The following IQGAP3 variants were observed in gnomAD, a reference collection of about 807,000 sequenced individuals.
The protein encoded by IQGAP3 is IQ motif containing GTPase activating protein 3.
IQGAP3 carries 165 observed loss-of-function variants against 208.2 expected under a neutral mutation model. That is an observed-to-expected ratio of 0.79 (90% CI 0.70 to 0.90). The LOEUF is 0.90. Among genes scored for constraint, IQGAP3 ranks in the 40% least tolerant of loss-of-function variants. IQGAP3 has a pLI of 0.00. For missense variants in IQGAP3, 1,811 were observed against 2,043.1 expected (o/e 0.89, Z 2.19); for synonymous variants, 703 against 803.6 (o/e 0.87, Z 2.12).
At chr1:156,531,035 G>C (rs1674367547) in intron 33 of IQGAP3, 125 bp downstream of exon 33, 1 of 744,550 alleles carries the variant, frequency 1.3e-6, no homozygotes, top group Middle Eastern at 3.1e-4. Flanking sequence ...CTCATTACTG[G>C]TGAGCACAGG....
chr1:156,535,084 T>C lies in IQGAP3; in HGVS notation c.3507+79A>G, dbSNP rs557021117. On this transcript the variant is annotated intron_variant, in intron 28 of 37. Transcript: ENST00000361170. The stretch of plus-strand genomic sequence containing the variant: ...TTTATGGCATAGGATTTTTTGTGTT[T>C]TTGTCTCAGTCTGGGGATTGCAGGT... The C allele has an allele frequency of 9.2e-6, 10 of 1,086,224 alleles. No homozygotes were observed. The African/African-American group carries it at 1.1e-4, about 12-fold the overall frequency. The allele number at this position is 1,086,224 out of a possible 1,614,324, so 67.3% of individuals were successfully genotyped here.
chr1:156,535,042 A>G (rs1216995085), intron 28 of IQGAP3, 121 bp downstream of exon 28: 1 of 814,180 alleles, frequency 1.2e-6, no homozygotes, highest in Non-Finnish European at 2.1e-6. Context: ...GGGGCAGCAT[A>G]TTTCCCTCCT....
At chr1:156,560,157 T>C (rs890614363) in intron 11 of IQGAP3, among the ~76,000 whole-genome samples, 12 of 152,220 alleles carry the variant, frequency 7.9e-5, no homozygotes, top group African/African-American at 2.9e-4. Context: ...TCTTCATACT[T>C]GCAGTGCAGA....
intron 32 of IQGAP3, among the ~76,000 whole-genome samples, chr1:156,531,527 T>A (rs1302142822): frequency 6.6e-6 from 1 of 151,732 alleles, no homozygotes; most frequent in African/African-American, 2.4e-5. Flanking sequence ...CTCTTGGTGG[T>A]GCTCTGTGTT....
chr1:156,564,695 G>A lies in IQGAP3; in HGVS notation c.361-4C>T, dbSNP rs753347168. ...CCGTGGTCTCTGGGAAGAAGGTCTAGAGGAGAAACCAGCCAGTTACTGCCA... is the reference window on the plus strand; with the variant it reads ...CCGTGGTCTCTGGGAAGAAGGTCTAAAGGAGAAACCAGCCAGTTACTGCCA... On this transcript the variant is annotated splice_polypyrimidine_tract_variant and splice_region_variant and intron_variant, in intron 4 of 37. Coordinates refer to ENST00000361170, the MANE Select transcript of IQGAP3 (RefSeq NM_178229.5). 1.1e-5 allele frequency: 17 copies of A among 1,612,124 alleles called. 1 individual carries two copies. Among genetic ancestry groups the A allele is most frequent in the South Asian group, 9.9e-5 (9 of 91,018 alleles).
chr1:156,556,589 G>A lies in IQGAP3; in HGVS notation c.1234C>T (p.Pro412Ser), dbSNP rs1354148680. 6.2e-7 allele frequency: 1 copy of A among 1,613,466 alleles called. No individual in the cohort carries two copies. Among genetic ancestry groups the A allele is most frequent in the Non-Finnish European group, 8.5e-7 (1 of 1,179,604 alleles). ...CPEAQLPPVY[P>S]VASSMYQLEL... ...AGCTGGTACATAGACGATGCAACAG[G>A]GTACACTGGAGGCAGCTGGGCCTCA... The change falls in exon 12 of 38, where the codon CCT becomes TCT. Residue 412 changes from proline (P) to serine (S), a missense_variant. By Grantham distance (74) the Pro-to-Ser change is moderately conservative. Coordinates refer to ENST00000361170, the MANE Select transcript of IQGAP3 (RefSeq NM_178229.5).
At chr1:156,552,790 A>G (rs990457572) in intron 13 of IQGAP3, among the ~76,000 whole-genome samples, 1 of 152,220 alleles carries the variant, frequency 6.6e-6, no homozygotes, top group African/African-American at 2.4e-5. Context: ...AGTAGATCAG[A>G]TCGCTGGGCA....
At chr1:156,536,673 C>T (rs933688806) in intron 27 of IQGAP3, among the ~76,000 whole-genome samples, 3 of 152,130 alleles carry the variant, frequency 2.0e-5, no homozygotes, top group Admixed American at 6.6e-5. Context: ...AATAGATATG[C>T]TAATTACCCT....
At chr1:156,551,222 G>A (rs1225017164) in intron 15 of IQGAP3, among the ~76,000 whole-genome samples, 2 of 152,120 alleles carry the variant, frequency 1.3e-5, no homozygotes, top group African/African-American at 4.8e-5. Context: ...TAAGTAACAC[G>A]TGCAGGGTCA....
At chr1:156,545,430 G>A (rs1675192906) in intron 19 of IQGAP3, among the ~76,000 whole-genome samples, 1 of 151,294 alleles carries the variant, frequency 6.6e-6, no homozygotes, top group African/African-American at 2.4e-5. Flanking sequence ...TCACTTTCTT[G>A]TAAACATGCC....
chr1:156,544,659 T>G (rs956671599), intron 19 of IQGAP3, among the ~76,000 whole-genome samples, 187 bp from the exon 20 acceptor site: 11 of 152,128 alleles, frequency 7.2e-5, no homozygotes. Flanking sequence ...TGGCTTCACA[T>G]AGCCAACAAT....
At chr1:156,566,172 C>A in intron 3 of IQGAP3, 68 bp from the exon 4 acceptor site, 1 of 1,443,844 alleles carries the variant, frequency 6.9e-7, no homozygotes, top group Non-Finnish European at 9.7e-7. Flanking sequence ...AAAGCCCAGA[C>A]TACAGCTTAA....
chr1:156,530,434 A>C (rs1674337907), intron 33 of IQGAP3, 117 bp from the exon 34 acceptor site: 1 of 810,724 alleles, frequency 1.2e-6, no homozygotes, highest in Non-Finnish European at 2.0e-6. Context: ...TCTGCATATC[A>C]TTAAGAAAGT....
intron 1 of IQGAP3, among the ~76,000 whole-genome samples, chr1:156,570,212 C>T (rs1412062942): frequency 2.0e-5 from 3 of 152,014 alleles, no homozygotes; most frequent in Non-Finnish European, 4.4e-5. Context: ...TCCTTTATGC[C>T]AGGCACTGGA....
chr1:156,529,928 A>AAAAAG (rs1674298563), intron 34 of IQGAP3, among the ~76,000 whole-genome samples, 177 bp downstream of exon 34: 1 of 150,150 alleles, frequency 6.7e-6, no homozygotes, highest in African/African-American at 2.5e-5. Flanking sequence ...AAAAAAAAAA[A>AAAAAG]AAAAAAGAAA....
At chr1:156,556,934 C>CACAGAG (rs1465107196) in intron 11 of IQGAP3, among the ~76,000 whole-genome samples, 1 of 1,296 alleles carries the variant, frequency 7.7e-4, no homozygotes, top group African/African-American at 9.2e-4. Flanking sequence ...AGCTCAGCCT[C>CACAGAG]TGCCCCGCCG....
intron 2 of IQGAP3, among the ~76,000 whole-genome samples, chr1:156,569,125 G>C (rs943769835): frequency 1.3e-5 from 2 of 151,850 alleles, no homozygotes; most frequent in African/African-American, 2.4e-5. Flanking sequence ...AATTTAGTTG[G>C]ATATTATAAT....
chr1:156,542,109 T>C (rs1404004147), intron 22 of IQGAP3, among the ~76,000 whole-genome samples: 2 of 152,202 alleles, frequency 1.3e-5, no homozygotes, highest in African/African-American at 4.8e-5. Flanking sequence ...CAGGGCATCA[T>C]GATAAGTCTT....
intron 27 of IQGAP3, among the ~76,000 whole-genome samples, chr1:156,536,459 C>T (rs1005545617): frequency 2.6e-5 from 4 of 151,906 alleles, no homozygotes; most frequent in Admixed American, 6.6e-5. Context: ...TGGTGGTTAC[C>T]GGAGTCTGGG....
Sources: gnomAD v4.1 joint callset for allele counts (sites outside exome capture counted in the v4.1 genomes callset) on GRCh38, gnomAD v4.1.1 for gene constraint, MANE v1.5 for transcripts, NCBI Gene and HGNC (gene_info 2026-07-23, HGNC 2026-07-21) for gene names.